The following PIP5K1A variants were observed in gnomAD, a reference collection of about 807,000 sequenced individuals.
PIP5K1A encodes the protein phosphatidylinositol-4-phosphate 5-kinase type 1 alpha.
Under a neutral mutation model 72.9 loss-of-function variants are expected in PIP5K1A, and 46 were observed. The ratio of observed to expected loss-of-function variants is 0.63; its 90% CI spans 0.50 to 0.81. The LOEUF (loss-of-function observed/expected upper bound fraction) is 0.81. Ranked by LOEUF, PIP5K1A falls within the 30% of genes least tolerant of loss-of-function variation. The pLI, the probability that PIP5K1A is intolerant of heterozygous loss-of-function variation, is 0.00. For missense variants in PIP5K1A, 458 were observed against 706.1 expected, an observed-to-expected ratio of 0.65 and a Z score of 3.98; for synonymous variants, 228 against 255.1, an observed-to-expected ratio of 0.89 and a Z score of 1.01.
rs1168022300 is a variant in PIP5K1A at position 151,236,664 on chromosome 1, A to G, written c.1046A>G (p.Asp349Gly). 6.2e-7 allele frequency: 1 copy of G among 1,613,800 alleles called. No individual in the cohort carries two copies. Among genetic ancestry groups the G allele is most frequent in the Non-Finnish European group, 8.5e-7 (1 of 1,179,884 alleles). Residue 349 changes from aspartate (D) to glycine (G), a missense_variant, in exon 9 of 16, where the codon GAT becomes GGT. Physicochemically the swap from Asp to Gly is moderately conservative, Grantham distance 94 (BLOSUM62 -1). Coordinates refer to ENST00000368888, the MANE Select transcript of PIP5K1A (RefSeq NM_001135638.2). The stretch of plus-strand genomic sequence containing the variant: ...AGCAGTGAAACACAGTACTCAGTTG[A>G]TACTCGAAGACCGGCCCCCCAAAAG... ...PLSSETQYSV[D>G]TRRPAPQKAL... is the part of the protein sequence containing the mutation.
At position 151,199,905 on chromosome 1, in the gene PIP5K1A, C is replaced by G. The variant is rs745806601; in HGVS notation, c.85+824C>G. On this transcript the variant is annotated intron_variant, in intron 1 of 15. Coordinates refer to ENST00000368888, the MANE Select transcript of PIP5K1A (RefSeq NM_001135638.2). ...CCATCTTTTCCCTCAGATACTCCCC[C>G]CTAATGTGTCACCCCTTCTCACTTC... Among the ~76,000 whole-genome samples the G allele has an allele frequency of 4.6e-5, 7 of 152,070 alleles. No homozygotes were observed. The East Asian group carries it at 5.8e-4, about 13-fold the overall frequency.
chr1:151,246,926 C>T lies in PIP5K1A; in HGVS notation c.1647C>T (p.Thr549=), dbSNP rs888280805. The change falls in exon 15 of 16, where the codon ACC becomes ACT. Residue 549 remains threonine, a synonymous_variant. Transcript: ENST00000368888. ...ETLQMLTTST[T]LEKLEVAESE... ...ATTTTTTTTCTCCTGTTAGTACAAC[C>T]TTGGAAAAGCTTGAAGTTGCAGAGT... 1.2e-6 allele frequency: 2 copies of T among 1,612,460 alleles called. No individual in the cohort carries two copies. The highest frequency in any genetic ancestry group is 2.7e-5 in the African/African-American group (2 of 74,764).
intron 1 of PIP5K1A, among the ~76,000 whole-genome samples, chr1:151,209,109 A>G (rs1413061806): frequency 6.6e-6 from 1 of 151,914 alleles, no homozygotes; most frequent in Non-Finnish European, 1.5e-5. Context: ...TGACATTTCA[A>G]GAGTATTTTC....
intron 4 of PIP5K1A, among the ~76,000 whole-genome samples, chr1:151,229,743 AAAG>A (rs1373206260): frequency 1.3e-5 from 2 of 151,258 alleles, no homozygotes; most frequent in African/African-American, 4.9e-5. Context: ...TTAAAAAAAA[AAAG>A]AAACTAATAA....
chr1:151,227,955 G>A (rs1321254418), intron 4 of PIP5K1A, among the ~76,000 whole-genome samples: 1 of 152,036 alleles, frequency 6.6e-6, no homozygotes, highest in African/African-American at 2.4e-5. Context: ...AAGAAACTGG[G>A]TTTCCCTGTT....
At chr1:151,214,143 G>A (rs906609324) in intron 1 of PIP5K1A, among the ~76,000 whole-genome samples, 2 of 151,916 alleles carry the variant, frequency 1.3e-5, no homozygotes, top group Non-Finnish European at 2.9e-5. Context: ...TTATGACTGC[G>A]CCATGATGTA....
intron 14 of PIP5K1A, among the ~76,000 whole-genome samples, chr1:151,245,241 C>A (rs748181726): frequency 6.6e-6 from 1 of 152,182 alleles, no homozygotes; most frequent in Non-Finnish European, 1.5e-5. Flanking sequence ...TTGTCCAATT[C>A]ATTAGGCACA....
At chr1:151,236,907 T>C in intron 9 of PIP5K1A, 144 bp downstream of exon 9, 1 of 611,698 alleles carries the variant, frequency 1.6e-6, no homozygotes. Flanking sequence ...AGCCTACTAC[T>C]ACCTCCACCT....
chr1:151,244,180 A>G (rs977082238), intron 14 of PIP5K1A, among the ~76,000 whole-genome samples: 26 of 128,182 alleles, frequency 2.0e-4, no homozygotes, highest in Middle Eastern at 4.0e-3. Context: ...AAAAATACTG[A>G]AAAAAAAAAA....
chr1:151,236,424 C>G lies in PIP5K1A; in HGVS notation c.940-134C>G, dbSNP rs1043661166. ...CTGGGAGGTTGCAGCTACAGTGAGC[C>G]GAGATCACACCACTGCACTCTAGCC... On this transcript the variant is annotated intron_variant, in intron 8 of 15. Transcript: ENST00000368888. 4 of 617,112 alleles carry G rather than the reference C, an allele frequency of 6.5e-6. No homozygotes were observed. The Admixed American group carries it at 1.2e-4, about 18-fold the overall frequency. The allele number at this position is 617,112 out of a possible 1,614,324, so 38.2% of individuals were successfully genotyped here.
At chr1:151,223,967 C>CAA in intron 1 of PIP5K1A, 4 of 468,522 alleles carry the variant, frequency 8.5e-6, no homozygotes, top group Admixed American at 3.7e-5. Flanking sequence ...GACTCCATCT[C>CAA]AAAAAAAAAG....
intron 1 of PIP5K1A, among the ~76,000 whole-genome samples, chr1:151,212,207 AC>A (rs1324878176): frequency 1.3e-5 from 2 of 152,182 alleles, no homozygotes; most frequent in African/African-American, 2.4e-5. Flanking sequence ...TAATCCCAGC[AC>A]TTCGGGAGGC....
At chr1:151,212,921 C>T (rs587660599) in intron 1 of PIP5K1A, among the ~76,000 whole-genome samples, 5 of 136,126 alleles carry the variant, frequency 3.7e-5, no homozygotes, top group South Asian at 2.5e-4. Flanking sequence ...GACAGAGTCT[C>T]GCTCTGTCGC....
intron 4 of PIP5K1A, among the ~76,000 whole-genome samples, chr1:151,231,055 G>T (rs1007685629): frequency 1.3e-5 from 2 of 151,946 alleles, no homozygotes; most frequent in Admixed American, 1.3e-4. Flanking sequence ...AAAATATAAA[G>T]AATAAGCAAG....
At chr1:151,232,807 G>A in intron 7 of PIP5K1A, 104 bp downstream of exon 7, 2 of 1,081,922 alleles carry the variant, frequency 1.8e-6, no homozygotes, top group Non-Finnish European at 2.7e-6. Flanking sequence ...TCTATCTTAA[G>A]AGTGTAGTTC....
chr1:151,222,524 C>T (rs1451113304), intron 1 of PIP5K1A, among the ~76,000 whole-genome samples: 1 of 152,108 alleles, frequency 6.6e-6, no homozygotes, highest in Admixed American at 6.6e-5. Context: ...TACTTACCTG[C>T]TTTTTTTCTC....
upstream of PIP5K1A, among the ~76,000 whole-genome samples, chr1:151,196,052 C>T (rs752063485): frequency 4.0e-5 from 6 of 151,650 alleles, no homozygotes; most frequent in Non-Finnish European, 8.8e-5. Context: ...CGCCGGCCAA[C>T]TCACCCGGCT....
At chr1:151,196,231 G>A (rs183666851), upstream of PIP5K1A, among the ~76,000 whole-genome samples, 37 of 152,216 alleles carry the variant, frequency 2.4e-4, no homozygotes, top group Middle Eastern at 3.4e-3. Context: ...TCAGGAAATG[G>A]TAGCAATCCT....
chr1:151,245,310 T>C (rs1692337835), intron 14 of PIP5K1A, among the ~76,000 whole-genome samples: 2 of 152,142 alleles, frequency 1.3e-5, no homozygotes, highest in Non-Finnish European at 2.9e-5. Context: ...GCTGCTGCCT[T>C]ACTAGGATCT....
Sources: gnomAD v4.1 joint callset for allele counts (sites outside exome capture counted in the v4.1 genomes callset) on GRCh38, gnomAD v4.1.1 for gene constraint, MANE v1.5 for transcripts, NCBI Gene and HGNC (gene_info 2026-07-23, HGNC 2026-07-21) for gene names.